CADM2: variants seen among roughly 807,000 people sequenced by gnomAD.
CADM2 encodes the protein immunoglobulin superfamily member 4D.
CADM2 carries 12 observed loss-of-function variants against 49.8 expected under a neutral mutation model. The ratio of observed to expected loss-of-function variants is 0.24; its 90% CI spans 0.15 to 0.39. The LOEUF (loss-of-function observed/expected upper bound fraction) is 0.39, where lower values mean the gene tolerates loss of function less well. Among genes scored for constraint, CADM2 ranks in the 10% least tolerant of loss-of-function variants. The probability of loss-of-function intolerance (pLI) is 1.00; values close to 1 mark genes in which losing one functional copy is unlikely to be tolerated. For synonymous variants in CADM2, 214 were observed against 175.4 expected (o/e 1.22, Z -1.74); for missense variants, 378 against 492.3 (o/e 0.77, Z 2.20).
intron 1 of CADM2, among the ~76,000 whole-genome samples, chr3:85,061,088 G>C (rs989046499): frequency 6.6e-6 from 1 of 151,950 alleles, no homozygotes; most frequent in African/African-American, 2.4e-5. Context: ...ATAAAATGTT[G>C]CTTAAAAAAT....
At chr3:85,477,400 A>AG (rs1197020761) in intron 1 of CADM2, among the ~76,000 whole-genome samples, 1 of 41,740 alleles carries the variant, frequency 2.4e-5, no homozygotes, top group African/African-American at 3.9e-5. Flanking sequence ...TGAAAAAAAA[A>AG]TGTTAAAATT....
rs758713601 is a variant in CADM2, at chr3:85,085,130, T to TA, written c.61+125463dup. The stretch of plus-strand genomic sequence containing the variant: ...TCCAGGTATGAATTATACCATCAAC[T>TA]ATAGTCACCAAGCTGTATAATAGAT... On this transcript the variant is annotated intron_variant, in intron 1 of 9. Coordinates refer to ENST00000383699, the MANE Select transcript of CADM2 (RefSeq NM_001167675.2). Among the ~76,000 whole-genome samples the TA allele has an allele frequency of 1.8e-4, 28 of 152,274 alleles. No homozygotes were observed. In the South Asian group the frequency reaches 3.5e-3, roughly 19 times the overall value.
chr3:85,739,546 A>G (rs753209589), intron 2 of CADM2, among the ~76,000 whole-genome samples: 9 of 152,130 alleles, frequency 5.9e-5, no homozygotes, highest in Non-Finnish European at 1.3e-4. Context: ...CTTAAGGGGA[A>G]TAATAATGTT....
At chr3:85,940,067 C>G (rs776115314) in intron 7 of CADM2, among the ~76,000 whole-genome samples, 2 of 148,092 alleles carry the variant, frequency 1.4e-5, no homozygotes, top group African/African-American at 2.5e-5. Context: ...ACCTGTAATC[C>G]CAGCACTTTG....
chr3:85,192,535 C>A (rs865778255), intron 1 of CADM2, among the ~76,000 whole-genome samples: 1 of 151,248 alleles, frequency 6.6e-6, no homozygotes, highest in African/African-American at 2.4e-5. Context: ...TAGGAAGGAA[C>A]CCCAAAAAAG....
At chr3:85,299,940 G>A (rs907188537) in intron 1 of CADM2, among the ~76,000 whole-genome samples, 4 of 151,852 alleles carry the variant, frequency 2.6e-5, no homozygotes, top group African/African-American at 9.7e-5. Flanking sequence ...CACAAAGTAC[G>A]ACAAAGATTT....
chr3:84,999,834 A>G (rs1197335142), intron 1 of CADM2, among the ~76,000 whole-genome samples: 1 of 152,148 alleles, frequency 6.6e-6, no homozygotes, highest in Non-Finnish European at 1.5e-5. Context: ...ACATATTTTG[A>G]AAGAGAATGA....
chr3:85,866,829 A>G (rs935258090), intron 3 of CADM2, among the ~76,000 whole-genome samples: 2 of 152,124 alleles, frequency 1.3e-5, no homozygotes, highest in Non-Finnish European at 2.9e-5. Flanking sequence ...TTGTACATAT[A>G]CATACACACA....
At chr3:85,743,638 A>G (rs879310517) in intron 2 of CADM2, among the ~76,000 whole-genome samples, 1 of 152,180 alleles carries the variant, frequency 6.6e-6, no homozygotes, top group Non-Finnish European at 1.5e-5. Context: ...AAAAGAATTC[A>G]CTACCTCCCT....
intron 1 of CADM2, among the ~76,000 whole-genome samples, chr3:85,166,650 G>T (rs190529258): frequency 6.6e-6 from 1 of 151,974 alleles, no homozygotes; most frequent in African/African-American, 2.4e-5. Flanking sequence ...TATTTAGAAA[G>T]CTTAAATTCT....
At chr3:85,389,022 T>C (rs567592991) in intron 1 of CADM2, among the ~76,000 whole-genome samples, 1 of 152,272 alleles carries the variant, frequency 6.6e-6, no homozygotes, top group Non-Finnish European at 1.5e-5. Context: ...AGCTAGGGTT[T>C]CCAGGACATT....
At chr3:85,247,989 A>C (rs1165211972) in intron 1 of CADM2, among the ~76,000 whole-genome samples, 1 of 152,196 alleles carries the variant, frequency 6.6e-6, no homozygotes, top group Non-Finnish European at 1.5e-5. Context: ...TATCCATATA[A>C]TGTTACAAAA....
chr3:85,167,179 A>G (rs993359290), intron 1 of CADM2, among the ~76,000 whole-genome samples: 2 of 152,076 alleles, frequency 1.3e-5, no homozygotes, highest in Non-Finnish European at 2.9e-5. Context: ...CAGTATCAAA[A>G]GGTGACTCCT....
At chr3:85,711,211 G>T (rs1037473663) in intron 1 of CADM2, among the ~76,000 whole-genome samples, 1 of 152,052 alleles carries the variant, frequency 6.6e-6, no homozygotes, top group Non-Finnish European at 1.5e-5. Context: ...ACCAGTATCT[G>T]GGGACTGAAA....
chr3:85,655,608 C>T (rs779023161), intron 1 of CADM2, among the ~76,000 whole-genome samples: 2 of 152,136 alleles, frequency 1.3e-5, no homozygotes, highest in African/African-American at 2.4e-5. Context: ...CACATCACCA[C>T]GTAGAGTGAG....
intron 6 of CADM2, among the ~76,000 whole-genome samples, chr3:85,924,178 CT>C (rs370792904): frequency 9.8e-4 from 148 of 151,022 alleles, no homozygotes; most frequent in African/African-American, 3.1e-3. Context: ...TAAATTGTTT[CT>C]TTTTTTTTGG....
intron 2 of CADM2, among the ~76,000 whole-genome samples, chr3:85,753,617 T>C (rs1468816715): frequency 1.3e-5 from 2 of 152,150 alleles, no homozygotes; most frequent in African/African-American, 2.4e-5. Context: ...GCTCTATGCC[T>C]CTTCATGGGA....
At chr3:85,375,008 TC>T (rs2033502823) in intron 1 of CADM2, among the ~76,000 whole-genome samples, 1 of 152,000 alleles carries the variant, frequency 6.6e-6, no homozygotes, top group Admixed American at 6.6e-5. Flanking sequence ...AAAAAGAAAA[TC>T]ACACACACAC....
chr3:86,033,963 C>T (rs954576198), intron 8 of CADM2, among the ~76,000 whole-genome samples: 4 of 151,182 alleles, frequency 2.6e-5, no homozygotes, highest in African/African-American at 4.9e-5. Context: ...TTTTTGAAAC[C>T]ATGGCAACTC....
Sources: gnomAD v4.1 joint callset for allele counts (sites outside exome capture counted in the v4.1 genomes callset) on GRCh38, gnomAD v4.1.1 for gene constraint, MANE v1.5 for transcripts, NCBI Gene and HGNC (gene_info 2026-07-23, HGNC 2026-07-21) for gene names.